The following SLC5A4 variants were observed in gnomAD, a reference collection of about 807,000 sequenced individuals.
SLC5A4 encodes the protein solute carrier family 5 member 4.
SLC5A4 carries 55 observed loss-of-function variants against 70.3 expected under a neutral mutation model. That is an observed-to-expected ratio of 0.78 (90% CI 0.63 to 0.98). SLC5A4 has a LOEUF of 0.98. Among genes scored for constraint, SLC5A4 ranks in the 50% least tolerant of loss-of-function variants. The pLI is 0.00. For synonymous variants in SLC5A4, 268 were observed against 305.7 expected (o/e 0.88, Z 1.29); for missense variants, 735 against 839.2 (o/e 0.88, Z 1.53).
chr22:32,265,272 C>A, the SLC5A4 span, among the ~76,000 whole-genome samples: 1 of 152,186 alleles, frequency 6.6e-6, no homozygotes, highest in African/African-American at 2.4e-5. Flanking sequence ...CTGGTAGTCC[C>A]AGCTACTGGG....
At chr22:32,352,681 C>T in the SLC5A4 span, among the ~76,000 whole-genome samples, 2 of 152,172 alleles carry the variant, frequency 1.3e-5, no homozygotes, top group Non-Finnish European at 2.9e-5. Context: ...CCTGCCTTCC[C>T]GGCCCCCAAA....
At chr22:32,330,535 G>C in the SLC5A4 span, among the ~76,000 whole-genome samples, 1 of 135,736 alleles carries the variant, frequency 7.4e-6, no homozygotes, top group Non-Finnish European at 1.6e-5. Context: ...TGTCTGTGTT[G>C]GGGGCTCTGG....
the SLC5A4 span, among the ~76,000 whole-genome samples, chr22:32,323,762 C>T: frequency 1.3e-5 from 2 of 152,356 alleles, no homozygotes; most frequent in Admixed American, 6.5e-5. Context: ...TGCTCAGTTC[C>T]CTGGAAAACT....
the SLC5A4 span, among the ~76,000 whole-genome samples, chr22:32,309,222 A>G: frequency 6.6e-6 from 1 of 152,156 alleles, no homozygotes; most frequent in Non-Finnish European, 1.5e-5. Context: ...AACACACAAT[A>G]ATCACACCAT....
chr22:32,342,472 G>A, the SLC5A4 span, among the ~76,000 whole-genome samples: 2 of 152,152 alleles, frequency 1.3e-5, no homozygotes, highest in South Asian at 4.2e-4. Flanking sequence ...GAAATCCACA[G>A]ACTTTAAGAT....
the SLC5A4 span, among the ~76,000 whole-genome samples, chr22:32,341,569 G>A: frequency 6.6e-6 from 1 of 152,228 alleles, no homozygotes; most frequent in African/African-American, 2.4e-5. Context: ...GGACAGCAGA[G>A]CACTGTCTTC....
At chr22:32,329,557 TG>T in the SLC5A4 span, among the ~76,000 whole-genome samples, 2 of 142,854 alleles carry the variant, frequency 1.4e-5, no homozygotes, top group Non-Finnish European at 3.0e-5. Context: ...TGAGGGGCTC[TG>T]GTGTGTGTGT....
At chr22:32,316,305 G>A in the SLC5A4 span, among the ~76,000 whole-genome samples, 8 of 152,088 alleles carry the variant, frequency 5.3e-5, no homozygotes, top group Non-Finnish European at 5.9e-5. Flanking sequence ...AAATGCAAAT[G>A]AAGCTAAATC....
At chr22:32,308,415 C>A in the SLC5A4 span, among the ~76,000 whole-genome samples, 1 of 152,136 alleles carries the variant, frequency 6.6e-6, no homozygotes, top group Non-Finnish European at 1.5e-5. Context: ...AAGGGCCTGG[C>A]GCCACCAGGC....
the SLC5A4 span, among the ~76,000 whole-genome samples, chr22:32,338,676 G>A: frequency 6.6e-6 from 1 of 152,142 alleles, no homozygotes; most frequent in Non-Finnish European, 1.5e-5. Context: ...CTCAAGAAAT[G>A]CAAACTGTAT....
the SLC5A4 span, among the ~76,000 whole-genome samples, chr22:32,278,389 A>G: frequency 6.6e-6 from 1 of 152,188 alleles, no homozygotes; most frequent in Non-Finnish European, 1.5e-5. Context: ...TTACCCTCAT[A>G]AAGATGTAAG....
intron 5 of SLC5A4, among the ~76,000 whole-genome samples, chr22:32,244,183 G>A (rs958796835): frequency 6.6e-6 from 1 of 152,154 alleles, no homozygotes; most frequent in Non-Finnish European, 1.5e-5. Context: ...TAACTCTATT[G>A]CACATTGGGG....
At chr22:32,338,587 C>G in the SLC5A4 span, among the ~76,000 whole-genome samples, 1 of 152,282 alleles carries the variant, frequency 6.6e-6, no homozygotes, top group South Asian at 2.1e-4. Flanking sequence ...ATCACTTGAA[C>G]CTGGGAGGCA....
the SLC5A4 span, among the ~76,000 whole-genome samples, chr22:32,289,517 C>T: frequency 7.2e-5 from 11 of 152,274 alleles, no homozygotes; most frequent in South Asian, 1.0e-3. Flanking sequence ...GACGGAGTTT[C>T]GCTCTTGTTG....
intron 11 of SLC5A4, among the ~76,000 whole-genome samples, chr22:32,227,063 C>G (rs191487820): frequency 1.3e-5 from 2 of 152,246 alleles, no homozygotes; most frequent in African/African-American, 2.4e-5. Context: ...CTTTGTCTTT[C>G]TAGCACCTCT....
At chr22:32,292,163 TAATA>T in the SLC5A4 span, among the ~76,000 whole-genome samples, 3 of 36,216 alleles carry the variant, frequency 8.3e-5, no homozygotes, top group Admixed American at 3.7e-4. Context: ...ATTATATATA[TAATA>T]TATACTAGAT....
At chr22:32,332,843 A>G in the SLC5A4 span, among the ~76,000 whole-genome samples, 5 of 152,134 alleles carry the variant, frequency 3.3e-5, no homozygotes, top group East Asian at 1.9e-4. Context: ...TAAATACCAC[A>G]AAGTGCTCTG....
chr22:32,272,700 T>A, the SLC5A4 span: 13 of 527,094 alleles, frequency 2.5e-5, no homozygotes, highest in Admixed American at 3.3e-4. Flanking sequence ...CTGGGCAGAC[T>A]TCCATGTGGG....
chr22:32,304,949 C>T, the SLC5A4 span, among the ~76,000 whole-genome samples: 1 of 151,962 alleles, frequency 6.6e-6, no homozygotes, highest in Non-Finnish European at 1.5e-5. Flanking sequence ...CGTGAATGTC[C>T]ACTTGTTCCA....
Sources: gnomAD v4.1 joint callset for allele counts (sites outside exome capture counted in the v4.1 genomes callset) on GRCh38, gnomAD v4.1.1 for gene constraint, MANE v1.5 for transcripts, NCBI Gene and HGNC (gene_info 2026-07-23, HGNC 2026-07-21) for gene names.